Variants in ACOXL observed in about 807,000 individuals in gnomAD.
ACOXL encodes the protein acyl-CoA oxidase like, also known as acyl-coenzyme A oxidase-like protein.
In ACOXL, 70 loss-of-function variants were observed where a neutral mutation model predicts 71.9. The observed-to-expected ratio is 0.97, with a 90% CI of 0.80 to 1.19. The LOEUF is 1.19. Among genes scored for constraint, ACOXL ranks in the 50% most tolerant of loss-of-function variants. ACOXL has a pLI of 0.00. For synonymous variants in ACOXL, 253 were observed against 281.6 expected, an observed-to-expected ratio of 0.90 and a Z score of 1.02; for missense variants, 703 against 736.3, an observed-to-expected ratio of 0.95 and a Z score of 0.52.
At chr2:110,918,483 A>G (rs903968734) in intron 11 of ACOXL, among the ~76,000 whole-genome samples, 1 of 152,260 alleles carries the variant, frequency 6.6e-6, no homozygotes, top group Non-Finnish European at 1.5e-5. Flanking sequence ...CATTCAGGAC[A>G]TAGGCACAGG....
At chr2:111,043,152 G>A (rs1249084355) in intron 15 of ACOXL, among the ~76,000 whole-genome samples, 3 of 152,206 alleles carry the variant, frequency 2.0e-5, no homozygotes, top group African/African-American at 7.2e-5. Flanking sequence ...CCGCTCTCTG[G>A]AACAGAGGTG....
chr2:110,744,513 A>G (rs1221657265), intron 1 of ACOXL, among the ~76,000 whole-genome samples: 2 of 152,182 alleles, frequency 1.3e-5, no homozygotes, highest in African/African-American at 4.8e-5. Flanking sequence ...TTGCTTCCTC[A>G]TCAAGCACAG....
intron 16 of ACOXL, among the ~76,000 whole-genome samples, chr2:111,058,057 T>G (rs1837372): frequency 0.27 from 40,844 of 152,116 alleles, 5,518 homozygotes; most frequent in Middle Eastern, 0.33. Flanking sequence ...AGATTTCATT[T>G]CAGACTGCTT....
chr2:110,920,403 T>C (rs1200318970), intron 11 of ACOXL, among the ~76,000 whole-genome samples: 1 of 152,212 alleles, frequency 6.6e-6, no homozygotes, highest in Admixed American at 6.5e-5. Flanking sequence ...TTCTGGTCTT[T>C]TATCAGTTTT....
chr2:110,793,172 G>C (rs923259898), intron 3 of ACOXL, among the ~76,000 whole-genome samples: 13 of 152,218 alleles, frequency 8.5e-5, no homozygotes, highest in African/African-American at 3.1e-4. Context: ...TTGAAACCCA[G>C]GGTGCTCATC....
At chr2:110,789,372 C>T (rs1573522955) in intron 3 of ACOXL, among the ~76,000 whole-genome samples, 1 of 152,200 alleles carries the variant, frequency 6.6e-6, no homozygotes, top group East Asian at 1.9e-4. Context: ...TTTGAACCAT[C>T]CTATTATCTG....
chr2:110,886,987 A>G, intron 10 of ACOXL: 1 of 1,063,170 alleles, frequency 9.4e-7, no homozygotes, highest in Non-Finnish European at 1.3e-6. Context: ...TTTATCTGAG[A>G]ATGTTGTGTG....
chr2:110,823,291 T>C (rs1688827628), intron 9 of ACOXL, among the ~76,000 whole-genome samples: 1 of 152,028 alleles, frequency 6.6e-6, no homozygotes, highest in Non-Finnish European at 1.5e-5. Flanking sequence ...TTTTCATGAC[T>C]GGATAGCTCG....
chr2:110,987,886 G>A (rs571372825), intron 13 of ACOXL, among the ~76,000 whole-genome samples: 24 of 152,112 alleles, frequency 1.6e-4, no homozygotes, highest in Non-Finnish European at 2.9e-4. Flanking sequence ...TTTGCATGAT[G>A]CTGTTATGAA....
At chr2:110,804,001 T>G (rs1054721986) in intron 8 of ACOXL, among the ~76,000 whole-genome samples, 12 of 151,186 alleles carry the variant, frequency 7.9e-5, no homozygotes, top group African/African-American at 2.7e-4. Context: ...TTTTTTTTTT[T>G]TTTGAGATGG....
intron 9 of ACOXL, among the ~76,000 whole-genome samples, chr2:110,834,992 G>A (rs976309875): frequency 6.6e-6 from 1 of 152,254 alleles, no homozygotes; most frequent in Non-Finnish European, 1.5e-5. Flanking sequence ...GTGAGGAATG[G>A]CAGCATAATG....
At chr2:111,113,450 A>G (rs865872700) in intron 17 of ACOXL, among the ~76,000 whole-genome samples, 2 of 152,264 alleles carry the variant, frequency 1.3e-5, no homozygotes, top group Non-Finnish European at 1.5e-5. Flanking sequence ...ATGTTGCCAC[A>G]TAGCATTGTT....
chr2:110,744,608 C>T (rs536977757), intron 1 of ACOXL, among the ~76,000 whole-genome samples: 10 of 152,284 alleles, frequency 6.6e-5, no homozygotes, highest in Non-Finnish European at 7.4e-5. Context: ...CCAGTCACTT[C>T]ACACTCCTCC....
chr2:111,018,434 G>A (rs988603233), intron 14 of ACOXL, among the ~76,000 whole-genome samples: 6 of 152,232 alleles, frequency 3.9e-5, no homozygotes, highest in East Asian at 1.9e-4. Flanking sequence ...CAGCCTGGGC[G>A]TGAAGCCCAT....
At chr2:111,114,076 G>A (rs1195806267) in intron 17 of ACOXL, 4 of 152,634 alleles carry the variant, frequency 2.6e-5, no homozygotes, top group Non-Finnish European at 5.9e-5. Flanking sequence ...GCATTAACCG[G>A]TGATAATGAC....
At chr2:110,841,443 CTT>C (rs1173328559) in intron 10 of ACOXL, 38 bp downstream of exon 10, 2 of 1,565,772 alleles carry the variant, frequency 1.3e-6, no homozygotes, top group African/African-American at 2.7e-5. Flanking sequence ...AAGAATTATC[CTT>C]ACCAGTTTAT....
rs376055545 is a variant in ACOXL at position 110,798,624 on chromosome 2, C to T, written c.360C>T (p.Asp120=). The T allele has an allele frequency of 3.1e-6, 5 of 1,613,904 alleles. No individual in the cohort carries two copies. Among genetic ancestry groups the T allele is most frequent in the Non-Finnish European group, 4.2e-6 (5 of 1,179,850 alleles). Residue 120 remains aspartate, a synonymous_variant, in exon 6 of 18, where the codon GAC becomes GAT. Coordinates refer to ENST00000439055, the MANE Select transcript of ACOXL (RefSeq NM_001142807.4). ...TTTCTGTGTAGGAGTTTGTAATTGA[C>T]ACGCCGTGTGAAAATGCGGAGAAGA... ...FDLSAQEFVI[D]TPCENAEKMY... is the part of the protein sequence containing the mutation.
At chr2:110,761,145 T>C (rs1680354036) in intron 1 of ACOXL, among the ~76,000 whole-genome samples, 1 of 152,260 alleles carries the variant, frequency 6.6e-6, no homozygotes, top group South Asian at 2.1e-4. Context: ...CAACTTCTTG[T>C]GGTTGTTGCT....
At chr2:110,858,155 G>C (rs757131369) in intron 10 of ACOXL, among the ~76,000 whole-genome samples, 7 of 152,166 alleles carry the variant, frequency 4.6e-5, no homozygotes, top group Non-Finnish European at 1.0e-4. Context: ...CAAGAAATTA[G>C]TGAAAACTCA....
Sources: gnomAD v4.1 joint callset for allele counts (sites outside exome capture counted in the v4.1 genomes callset) on GRCh38, gnomAD v4.1.1 for gene constraint, MANE v1.5 for transcripts, NCBI Gene and HGNC (gene_info 2026-07-23, HGNC 2026-07-21) for gene names.